The following ZFPM2 variants were observed in gnomAD, a reference collection of about 807,000 sequenced individuals.
The protein encoded by ZFPM2 is zinc finger protein, FOG family member 2, also known as zinc finger protein ZFPM2.
Under a neutral mutation model 98.6 loss-of-function variants are expected in ZFPM2, and 20 were observed. That is an observed-to-expected ratio of 0.20 (90% CI 0.14 to 0.29). The LOEUF (loss-of-function observed/expected upper bound fraction) is 0.29. ZFPM2 is among the 10% of genes least tolerant of loss of function. The pLI, the probability that ZFPM2 is intolerant of heterozygous loss-of-function variation, is 1.00. For synonymous variants in ZFPM2, 518 were observed against 502.7 expected (o/e 1.03, Z -0.41); for missense variants, 1,310 against 1,388.6 (o/e 0.94, Z 0.90).
chr8:105,490,207 A>C (rs1267084737), intron 3 of ZFPM2, among the ~76,000 whole-genome samples: 3 of 152,186 alleles, frequency 2.0e-5, no homozygotes, highest in African/African-American at 7.2e-5. Context: ...AGATCCTGCC[A>C]CTGCACTCCA....
rs79478748 is a variant in ZFPM2 at position 105,665,860 on chromosome 8, G to T, written c.532+31503G>T. On this transcript the variant is annotated intron_variant, in intron 5 of 7. Transcript: ENST00000407775. ...CTAAATATAAGTAAAGGAAGGGCTT[G>T]TATGTATATGGTTGGCACATGATAA... Among the ~76,000 whole-genome samples, 9 of 152,298 alleles carry T rather than the reference G, an allele frequency of 5.9e-5. No homozygotes were observed. In the East Asian group the frequency reaches 1.7e-3, roughly 29 times the overall value.
rs2130078472 is a variant in ZFPM2, at chr8:105,418,913, G to T, written c.41-231G>T. The T allele has an allele frequency of 1.2e-5, 7 of 586,290 alleles. No homozygotes were observed. The South Asian group carries it at 1.3e-4, about 11-fold the overall frequency. 36.3% of individuals were successfully genotyped at this position (586,290 alleles called of 1,614,324 possible). A position where few individuals can be genotyped will look rare whatever the true frequency, so the allele number is the denominator to read the frequency against. ...GGGTGGGGACGCAATGGAGATGCAG[G>T]TTGCTTTCTGTGTTATAACTTCTGA... is the stretch of plus-strand genomic sequence containing the variant. On this transcript the variant is annotated intron_variant, in intron 1 of 7. Transcript: ENST00000407775.
chr8:105,699,902 C>T (rs913400033), intron 5 of ZFPM2, among the ~76,000 whole-genome samples: 42 of 151,986 alleles, frequency 2.8e-4, no homozygotes, highest in African/African-American at 1.0e-3. Flanking sequence ...TTTTAAAGAG[C>T]AATATTTTAG....
At chr8:105,691,933 G>A (rs573679740) in intron 5 of ZFPM2, among the ~76,000 whole-genome samples, 2 of 152,158 alleles carry the variant, frequency 1.3e-5, no homozygotes, top group African/African-American at 4.8e-5. Context: ...AATACAAATT[G>A]TAATTCTACT....
At chr8:105,410,943 T>C (rs190565545) in intron 1 of ZFPM2, among the ~76,000 whole-genome samples, 96 of 151,942 alleles carry the variant, frequency 6.3e-4, no homozygotes, top group African/African-American at 1.9e-3. Context: ...GCTTGTCTTA[T>C]CTCACATCTT....
intron 3 of ZFPM2, among the ~76,000 whole-genome samples, chr8:105,470,336 G>A (rs1203458199): frequency 6.6e-6 from 1 of 152,098 alleles, no homozygotes; most frequent in Non-Finnish European, 1.5e-5. Flanking sequence ...ATTTTGTTGT[G>A]CCTCAGTATT....
intron 5 of ZFPM2, among the ~76,000 whole-genome samples, chr8:105,750,313 T>C (rs142533558): frequency 1.2e-3 from 189 of 152,188 alleles, no homozygotes; most frequent in African/African-American, 4.2e-3. Context: ...CAAGCCCTGC[T>C]GCCTCCAAGG....
At chr8:105,515,997 A>G (rs1366843740) in intron 3 of ZFPM2, among the ~76,000 whole-genome samples, 1 of 140,098 alleles carries the variant, frequency 7.1e-6, no homozygotes, top group Non-Finnish European at 1.5e-5. Context: ...GGCTCACTGC[A>G]ACTTCTGCCT....
chr8:105,344,662 T>A (rs1812483768), intron 1 of ZFPM2, among the ~76,000 whole-genome samples: 1 of 152,108 alleles, frequency 6.6e-6, no homozygotes, highest in Admixed American at 6.6e-5. Context: ...CCTTCATTTA[T>A]ATCTATATAT....
chr8:105,359,567 G>T (rs905390784), intron 1 of ZFPM2, among the ~76,000 whole-genome samples: 1 of 151,700 alleles, frequency 6.6e-6, no homozygotes, highest in African/African-American at 2.4e-5. Context: ...GTAGAGATGG[G>T]GTTTCACCGT....
At chr8:105,681,591 C>A (rs1810602837) in intron 5 of ZFPM2, among the ~76,000 whole-genome samples, 2 of 152,062 alleles carry the variant, frequency 1.3e-5, no homozygotes, top group African/African-American at 2.4e-5. Flanking sequence ...GTGTTGGATT[C>A]CTCATATCTG....
rs1586243688 is a variant in ZFPM2 at position 105,758,835 on chromosome 8, G to T, written c.533-29883G>T. On this transcript the variant is annotated intron_variant, in intron 5 of 7. Coordinates refer to ENST00000407775, the MANE Select transcript of ZFPM2 (RefSeq NM_012082.4). ...TAGTTGGCATGTTATGATATGAATG[G>T]ATTATTCATTTAGGAAGACATCCAC... 1.3e-5 allele frequency among the ~76,000 whole-genome samples: 2 copies of T among 151,970 alleles called. 1 individual carries two copies. The highest frequency in any genetic ancestry group is 2.9e-5 in the Non-Finnish European group (2 of 68,002).
intron 3 of ZFPM2, among the ~76,000 whole-genome samples, chr8:105,456,222 C>G (rs769906998): frequency 6.9e-6 from 1 of 145,168 alleles, no homozygotes; most frequent in Non-Finnish European, 1.5e-5. Flanking sequence ...GCTGAGATGC[C>G]AAGATGGAGA....
chr8:105,416,869 A>G (rs1811689569), intron 1 of ZFPM2, among the ~76,000 whole-genome samples: 2 of 152,186 alleles, frequency 1.3e-5, no homozygotes, highest in African/African-American at 2.4e-5. Context: ...ATAAGCATCT[A>G]TGAATAAATA....
chr8:105,362,703 G>T (rs1487452821), intron 1 of ZFPM2, among the ~76,000 whole-genome samples: 1 of 152,150 alleles, frequency 6.6e-6, no homozygotes, highest in East Asian at 1.9e-4. Flanking sequence ...TGCGCGGAAA[G>T]TCTGAGTGTA....
chr8:105,522,258 A>G (rs1466651626), intron 3 of ZFPM2, among the ~76,000 whole-genome samples: 1 of 152,190 alleles, frequency 6.6e-6, no homozygotes, highest in East Asian at 1.9e-4. Flanking sequence ...GTTTTGGATG[A>G]TTTTATTAAG....
chr8:105,438,754 C>T (rs1462419118), intron 2 of ZFPM2, among the ~76,000 whole-genome samples: 1 of 152,122 alleles, frequency 6.6e-6, no homozygotes, highest in Non-Finnish European at 1.5e-5. Context: ...ATTTGTATCA[C>T]AGGGTCATAT....
chr8:105,380,208 A>G (rs1457348784), intron 1 of ZFPM2, among the ~76,000 whole-genome samples: 3 of 152,078 alleles, frequency 2.0e-5, no homozygotes, highest in Non-Finnish European at 4.4e-5. Flanking sequence ...ACTTATAGAA[A>G]TATTTGCTAT....
rs1190895913 is a variant in ZFPM2, at chr8:105,686,640, T to C, written c.532+52283T>C. 2.0e-5 allele frequency among the ~76,000 whole-genome samples: 3 copies of C among 152,302 alleles called. No homozygotes were observed. In the East Asian group the frequency reaches 5.8e-4, roughly 29 times the overall value. ...TCCCAAATTGCATTATATAGTACAA[T>C]GTATAGTACTCTATAGCACAACTGC... On this transcript the variant is annotated intron_variant, in intron 5 of 7. Transcript: ENST00000407775.
Sources: allele counts gnomAD v4.1 joint callset (sites outside exome capture counted in the v4.1 genomes callset), GRCh38; gene constraint gnomAD v4.1.1; transcripts MANE v1.5; gene names NCBI Gene and HGNC (gene_info 2026-07-23, HGNC 2026-07-21).